FGF10: variants seen among roughly 807,000 people sequenced by gnomAD.
FGF10 encodes FGF-10.
Under a neutral mutation model 19.8 loss-of-function variants are expected in FGF10, and 2 were observed. That is an observed-to-expected ratio of 0.10 (90% CI 0.04 to 0.32). FGF10 has a LOEUF of 0.32. Ranked by LOEUF, FGF10 falls within the 10% of genes least tolerant of loss-of-function variation. The pLI, the probability that FGF10 is intolerant of heterozygous loss-of-function variation, is 1.00. For missense variants in FGF10, 191 were observed against 246.3 expected (o/e 0.78, Z 1.50); for synonymous variants, 112 against 94.0 (o/e 1.19, Z -1.10).
At chr5:44,311,209 A>G (rs1315394745) in intron 1 of FGF10, among the ~76,000 whole-genome samples, 1 of 151,816 alleles carries the variant, frequency 6.6e-6, no homozygotes, top group Non-Finnish European at 1.5e-5. Flanking sequence ...TGGAAAATCG[A>G]GGGAAGTAGT....
chr5:44,382,226 C>G (rs1439665181), intron 1 of FGF10, among the ~76,000 whole-genome samples: 3 of 152,082 alleles, frequency 2.0e-5, no homozygotes, highest in Admixed American at 6.5e-5. Flanking sequence ...TGAGTGTCTT[C>G]TTTGATGTAT....
At chr5:44,349,870 C>T (rs1741194890) in intron 1 of FGF10, among the ~76,000 whole-genome samples, 1 of 151,064 alleles carries the variant, frequency 6.6e-6, no homozygotes, top group South Asian at 2.1e-4. Context: ...TATGAAAAGT[C>T]TAAGTCTCAT....
At chr5:44,313,943 AAC>A (rs1740270905) in intron 1 of FGF10, among the ~76,000 whole-genome samples, 2 of 152,152 alleles carry the variant, frequency 1.3e-5, no homozygotes, top group Non-Finnish European at 2.9e-5. Context: ...ATAAAAGACA[AAC>A]ACAGATAATT....
chr5:44,381,202 T>G (rs1223742127), intron 1 of FGF10, among the ~76,000 whole-genome samples: 2 of 151,974 alleles, frequency 1.3e-5, no homozygotes, highest in African/African-American at 4.8e-5. Context: ...ACAGCAGAGC[T>G]TAAAAGAAAT....
At chr5:44,375,427 G>C (rs1262431494) in intron 1 of FGF10, among the ~76,000 whole-genome samples, 11 of 152,130 alleles carry the variant, frequency 7.2e-5, no homozygotes, top group South Asian at 4.1e-4. Flanking sequence ...ATTCCAGGCC[G>C]ACCTAGCAGT....
intron 1 of FGF10, among the ~76,000 whole-genome samples, chr5:44,370,036 A>G (rs1436685280): frequency 6.6e-6 from 1 of 152,112 alleles, no homozygotes; most frequent in African/African-American, 2.4e-5. Flanking sequence ...CTCCACCGCC[A>G]ACTGTGTGCA....
intron 1 of FGF10, among the ~76,000 whole-genome samples, chr5:44,354,108 A>G (rs2111832402): frequency 6.6e-6 from 1 of 151,448 alleles, no homozygotes; most frequent in East Asian, 2.0e-4. Flanking sequence ...TGAATATCAA[A>G]ATGTTCCCTT....
chr5:44,317,422 G>A (rs1740375806), intron 1 of FGF10, among the ~76,000 whole-genome samples: 1 of 152,074 alleles, frequency 6.6e-6, no homozygotes, highest in Non-Finnish European at 1.5e-5. Flanking sequence ...GAGTACAGTG[G>A]CAGATCCCAA....
intron 1 of FGF10, among the ~76,000 whole-genome samples, chr5:44,318,757 C>T (rs1457459505): frequency 6.6e-6 from 1 of 152,120 alleles, no homozygotes; most frequent in African/African-American, 2.4e-5. Flanking sequence ...GAAGCTTTGG[C>T]AAGCATGTCA....
intron 1 of FGF10, among the ~76,000 whole-genome samples, chr5:44,367,709 T>C (rs1741651285): frequency 6.6e-6 from 1 of 152,010 alleles, no homozygotes; most frequent in African/African-American, 2.4e-5. Flanking sequence ...ATATCATTAG[T>C]TATTATTATT....
Position 44,389,018 on chromosome 5 carries a change from C to G in FGF10, c.-336G>C. Reference sequence around the variant, plus strand: ...CCCCCAGGAGTTACTTTGTTCTCTTCTTTACTCCTTTCTTCACCATGTTAG... The same window carrying G: ...CCCCCAGGAGTTACTTTGTTCTCTTGTTTACTCCTTTCTTCACCATGTTAG... On this transcript the variant is annotated 5_prime_UTR_variant, in exon 1 of 3. Coordinates refer to ENST00000264664, the MANE Select transcript of FGF10 (RefSeq NM_004465.2). The G allele has an allele frequency of 1.6e-5, 7 of 434,564 alleles. No individual in the cohort carries two copies. The highest frequency in any genetic ancestry group is 1.6e-4 in the South Asian group (7 of 44,100). The allele number at this position is 434,564 out of a possible 1,614,324, so 26.9% of individuals were successfully genotyped here.
At chr5:44,357,652 A>T (rs1377452727) in intron 1 of FGF10, among the ~76,000 whole-genome samples, 3 of 151,504 alleles carry the variant, frequency 2.0e-5, no homozygotes, top group South Asian at 2.1e-4. Flanking sequence ...TCAGCATCTG[A>T]TCCAGTGTCC....
chr5:44,363,007 C>T (rs1198217011), intron 1 of FGF10, among the ~76,000 whole-genome samples: 1 of 151,736 alleles, frequency 6.6e-6, no homozygotes, highest in East Asian at 1.9e-4. Flanking sequence ...GTAGTAAGTA[C>T]TGAAAGTAGT....
intron 1 of FGF10, among the ~76,000 whole-genome samples, chr5:44,329,085 T>C (rs544763396): frequency 1.3e-5 from 2 of 152,290 alleles, no homozygotes; most frequent in South Asian, 2.1e-4. Context: ...GTTGACGTAT[T>C]TGAAGAATTA....
intron 1 of FGF10, among the ~76,000 whole-genome samples, chr5:44,338,164 A>G (rs1740894537): frequency 6.6e-6 from 1 of 152,180 alleles, no homozygotes; most frequent in Non-Finnish European, 1.5e-5. Flanking sequence ...TTATGCTCAC[A>G]ATTCTATAAA....
intron 1 of FGF10, among the ~76,000 whole-genome samples, chr5:44,364,283 A>G (rs1212281190): frequency 2.0e-5 from 3 of 151,910 alleles, no homozygotes; most frequent in Admixed American, 2.0e-4. Flanking sequence ...GCATTGTCAT[A>G]ATCAAAAAAA....
chr5:44,366,215 T>A (rs2111870566), intron 1 of FGF10, among the ~76,000 whole-genome samples: 1 of 148,232 alleles, frequency 6.7e-6, no homozygotes, highest in Admixed American at 7.1e-5. Context: ...GGCAAAAGGT[T>A]ATATATACAT....
At chr5:44,347,736 C>A (rs1434103689) in intron 1 of FGF10, among the ~76,000 whole-genome samples, 1 of 151,814 alleles carries the variant, frequency 6.6e-6, no homozygotes, top group Non-Finnish European at 1.5e-5. Context: ...AAAATAAGTG[C>A]TCAATCAATA....
intron 1 of FGF10, among the ~76,000 whole-genome samples, chr5:44,370,911 T>A (rs1047305609): frequency 6.6e-6 from 1 of 152,092 alleles, no homozygotes; most frequent in Non-Finnish European, 1.5e-5. Context: ...AATCTACACA[T>A]AGTGAGAGAA....
Sources: gnomAD v4.1 joint callset for allele counts (sites outside exome capture counted in the v4.1 genomes callset) on GRCh38, gnomAD v4.1.1 for gene constraint, MANE v1.5 for transcripts, NCBI Gene and HGNC (gene_info 2026-07-23, HGNC 2026-07-21) for gene names.